ENOX1: variants seen among roughly 807,000 people sequenced by gnomAD.
ENOX1 encodes the protein ecto-NOX disulfide-thiol exchanger 1.
ENOX1 carries 42 observed loss-of-function variants against 82.5 expected under a neutral mutation model. The ratio of observed to expected loss-of-function variants is 0.51; its 90% confidence interval spans 0.40 to 0.66. The LOEUF (loss-of-function observed/expected upper bound fraction) is 0.66, where lower values mean the gene tolerates loss of function less well. Among genes scored for constraint, ENOX1 ranks in the 30% least tolerant of loss-of-function variants. The pLI is 0.00. For synonymous variants in ENOX1, 271 were observed against 282.2 expected, an observed-to-expected ratio of 0.96 and a Z score of 0.40; for missense variants, 608 against 811.6, an observed-to-expected ratio of 0.75 and a Z score of 3.05.
intron 3 of ENOX1, among the ~76,000 whole-genome samples, chr13:43,460,522 C>T (rs1023490438): frequency 2.0e-5 from 3 of 151,990 alleles, no homozygotes; most frequent in Admixed American, 6.6e-5. Context: ...GGATAGCTGC[C>T]GGGCTCAGTG....
At chr13:43,476,138 A>G (rs1415896784) in intron 3 of ENOX1, among the ~76,000 whole-genome samples, 1 of 152,172 alleles carries the variant, frequency 6.6e-6, no homozygotes. Context: ...ACCTCTACAA[A>G]TATTACTGTA....
intron 3 of ENOX1, among the ~76,000 whole-genome samples, chr13:43,460,775 C>CAG (rs1461770573): frequency 7.8e-6 from 1 of 128,484 alleles, no homozygotes; most frequent in Non-Finnish European, 1.6e-5. Flanking sequence ...GCCCGGGCGA[C>CAG]AGAGCGAGAC....
At chr13:43,550,746 C>G (rs149432912) in intron 2 of ENOX1, among the ~76,000 whole-genome samples, 102 of 152,260 alleles carry the variant, frequency 6.7e-4, no homozygotes, top group African/African-American at 2.4e-3. Flanking sequence ...AACTCTCCTC[C>G]TTACAAAGTT....
chr13:43,477,310 A>C (rs144085807), intron 3 of ENOX1, among the ~76,000 whole-genome samples: 1,609 of 152,126 alleles, frequency 0.011, 15 homozygotes, highest in Middle Eastern at 0.024. Flanking sequence ...GAACATTTTA[A>C]AATTTTTAAA....
intron 2 of ENOX1, among the ~76,000 whole-genome samples, chr13:43,580,096 T>G (rs1566567531): frequency 6.6e-6 from 1 of 152,166 alleles, no homozygotes; most frequent in Non-Finnish European, 1.5e-5. Flanking sequence ...GACTTGAGAA[T>G]GAGAATGAGT....
At chr13:43,224,190 C>T in intron 15 of ENOX1, 52 bp from the exon 16 acceptor site, 1 of 1,432,080 alleles carries the variant, frequency 7.0e-7, no homozygotes, top group East Asian at 2.3e-5. Context: ...ATGAGAGTCT[C>T]TGGTTAAATA....
intron 15 of ENOX1, among the ~76,000 whole-genome samples, chr13:43,235,550 T>A (rs942892229): frequency 6.6e-6 from 1 of 152,168 alleles, no homozygotes; most frequent in Admixed American, 6.5e-5. Context: ...CTGGCCAACA[T>A]GGCAAAACCC....
intron 1 of ENOX1, among the ~76,000 whole-genome samples, chr13:43,682,756 C>T (rs2085858099): frequency 1.3e-5 from 2 of 152,140 alleles, no homozygotes; most frequent in African/African-American, 2.4e-5. Context: ...TTCAGTCTCT[C>T]CAGATGCCTC....
chr13:43,636,676 G>A (rs935165306), intron 2 of ENOX1, among the ~76,000 whole-genome samples: 4 of 151,846 alleles, frequency 2.6e-5, no homozygotes, highest in African/African-American at 9.7e-5. Context: ...CCTGTGGAAA[G>A]TAGACATGGC....
intron 1 of ENOX1, among the ~76,000 whole-genome samples, chr13:43,706,903 G>GATATATATATATATATAT (rs141537630): frequency 6.7e-6 from 1 of 149,294 alleles, no homozygotes; most frequent in Non-Finnish European, 1.5e-5. Flanking sequence ...AGGCAAGAAA[G>GATATATATATATATATAT]ATATATATAT....
intron 14 of ENOX1, among the ~76,000 whole-genome samples, chr13:43,253,344 T>C (rs1406337708): frequency 5.3e-5 from 8 of 152,242 alleles, no homozygotes; most frequent in Admixed American, 4.6e-4. Flanking sequence ...TTCCTACATA[T>C]TTCCTCAAAG....
intron 15 of ENOX1, among the ~76,000 whole-genome samples, chr13:43,235,931 G>A (rs2042526710): frequency 6.6e-6 from 1 of 152,152 alleles, no homozygotes; most frequent in South Asian, 2.1e-4. Flanking sequence ...CACAGCATGA[G>A]GGTGGTGGCT....
chr13:43,318,076 ACT>A (rs2047613723), intron 11 of ENOX1, among the ~76,000 whole-genome samples: 1 of 152,064 alleles, frequency 6.6e-6, no homozygotes, highest in Non-Finnish European at 1.5e-5. Context: ...TCAGAAAAAC[ACT>A]CTTCATAATT....
chr13:43,299,365 A>AG (rs1230769735), intron 11 of ENOX1, among the ~76,000 whole-genome samples: 1 of 152,098 alleles, frequency 6.6e-6, no homozygotes, highest in Non-Finnish European at 1.5e-5. Flanking sequence ...CTTATTGCTT[A>AG]GGGGTCTCTC....
chr13:43,622,681 C>T (rs1189818636), intron 2 of ENOX1, among the ~76,000 whole-genome samples: 2 of 152,034 alleles, frequency 1.3e-5, no homozygotes, highest in East Asian at 1.9e-4. Flanking sequence ...CAATGGACTC[C>T]ATGAGGGTCC....
At chr13:43,540,159 A>C (rs564385333) in intron 2 of ENOX1, among the ~76,000 whole-genome samples, 1 of 152,352 alleles carries the variant, frequency 6.6e-6, no homozygotes, top group Admixed American at 6.5e-5. Flanking sequence ...AATTACAAAC[A>C]TATTCGAGTT....
intron 16 of ENOX1, among the ~76,000 whole-genome samples, chr13:43,221,593 G>A (rs1264678064): frequency 1.3e-5 from 2 of 152,198 alleles, no homozygotes; most frequent in Admixed American, 6.5e-5. Context: ...CCGGGTGAAT[G>A]AGAGTGGGTA....
chr13:43,763,532 G>A (rs553196951), intron 1 of ENOX1, among the ~76,000 whole-genome samples: 2 of 152,256 alleles, frequency 1.3e-5, no homozygotes, highest in East Asian at 3.9e-4. Flanking sequence ...ATGAAGTGGA[G>A]CTACGAGGAC....
intron 2 of ENOX1, among the ~76,000 whole-genome samples, chr13:43,588,961 C>G (rs1053007759): frequency 2.0e-5 from 3 of 152,086 alleles, no homozygotes; most frequent in Admixed American, 6.6e-5. Flanking sequence ...GCAAAGAGCA[C>G]TGGTACAGAT....
Sources: allele counts gnomAD v4.1 joint callset (sites outside exome capture counted in the v4.1 genomes callset), GRCh38; gene constraint gnomAD v4.1.1; transcripts MANE v1.5; gene names NCBI Gene and HGNC (gene_info 2026-07-23, HGNC 2026-07-21).